Variants in SORCS3 observed in about 807,000 individuals in gnomAD.
SORCS3 encodes the protein VPS10 domain-containing receptor SorCS3.
SORCS3 carries 57 observed loss-of-function variants against 146.3 expected under a neutral mutation model. That is an observed-to-expected ratio of 0.39 (90% confidence interval 0.31 to 0.49). SORCS3 has a LOEUF of 0.49. Among genes scored for constraint, SORCS3 ranks in the 20% least tolerant of loss-of-function variants. The pLI, the probability that SORCS3 is intolerant of heterozygous loss-of-function variation, is 0.92. For missense variants in SORCS3, 1,341 were observed against 1,575.5 expected (o/e 0.85, Z 2.52); for synonymous variants, 653 against 618.5 (o/e 1.06, Z -0.83).
rs147787797 is a variant in SORCS3, at chr10:104,756,621, G to A, written c.628-86171G>A. 6.8e-3 allele frequency among the ~76,000 whole-genome samples: 1,041 copies of A among 152,284 alleles called. 14 individuals carry two copies. Among genetic ancestry groups the A allele is most frequent in the African/African-American group, 0.023 (976 of 41,554 alleles). ...TGGGGTTTGAATGGGAGTGGAGAAA[G>A]CATCCCAAGAGTGGAGAAAGCCACA... On this transcript the variant is annotated intron_variant, in intron 1 of 26. Transcript: ENST00000369701.
chr10:104,909,198 C>T (rs998474463), intron 2 of SORCS3, among the ~76,000 whole-genome samples: 7 of 152,044 alleles, frequency 4.6e-5, no homozygotes, highest in South Asian at 2.1e-4. Context: ...GTAGTTGTGG[C>T]GGAGGTCCAC....
intron 14 of SORCS3, among the ~76,000 whole-genome samples, chr10:105,184,691 A>T (rs551420776): frequency 1.3e-5 from 2 of 152,356 alleles, no homozygotes; most frequent in East Asian, 3.9e-4. Context: ...CACATATTTA[A>T]TGTATACATT....
At chr10:104,774,898 G>A (rs2017291546) in intron 1 of SORCS3, among the ~76,000 whole-genome samples, 1 of 152,182 alleles carries the variant, frequency 6.6e-6, no homozygotes, top group African/African-American at 2.4e-5. Flanking sequence ...TCACCAACGA[G>A]CTGAGACATT....
intron 2 of SORCS3, among the ~76,000 whole-genome samples, chr10:104,860,426 G>A (rs2018387242): frequency 7.6e-6 from 1 of 132,426 alleles, no homozygotes; most frequent in African/African-American, 2.8e-5. Flanking sequence ...TTGTGAGGTG[G>A]GGGGAGGGGG....
intron 5 of SORCS3, among the ~76,000 whole-genome samples, chr10:105,053,434 G>A (rs2055426113): frequency 6.6e-6 from 1 of 151,588 alleles, no homozygotes; most frequent in Non-Finnish European, 1.5e-5. Flanking sequence ...ACACACACTA[G>A]CCATTTTTTT....
intron 3 of SORCS3, among the ~76,000 whole-genome samples, chr10:104,959,210 A>G (rs1019547829): frequency 6.6e-6 from 1 of 151,918 alleles, no homozygotes; most frequent in African/African-American, 2.4e-5. Context: ...CAGGAAATTA[A>G]TAGAGGGGAT....
intron 5 of SORCS3, among the ~76,000 whole-genome samples, chr10:105,061,700 G>A (rs2055488754): frequency 2.0e-5 from 3 of 150,866 alleles, no homozygotes; most frequent in Admixed American, 2.0e-4. Context: ...GAGCTCTCAG[G>A]AACACCACCA....
intron 1 of SORCS3, among the ~76,000 whole-genome samples, chr10:104,740,702 A>AT (rs544863904): frequency 2.1e-3 from 326 of 152,122 alleles, no homozygotes; most frequent in Non-Finnish European, 4.0e-3. Flanking sequence ...AAAGACACTT[A>AT]TTTTTTTGTT....
At chr10:104,875,929 G>A (rs1393460499) in intron 2 of SORCS3, among the ~76,000 whole-genome samples, 1 of 152,126 alleles carries the variant, frequency 6.6e-6, no homozygotes, top group East Asian at 1.9e-4. Flanking sequence ...ATGGCAAAAG[G>A]AAAATGGCTG....
chr10:104,748,872 C>A (rs1304550046), intron 1 of SORCS3, among the ~76,000 whole-genome samples: 1 of 152,078 alleles, frequency 6.6e-6, no homozygotes, highest in African/African-American at 2.4e-5. Flanking sequence ...AAAAAGAATT[C>A]TTTAGATTCT....
At chr10:104,962,967 A>G (rs992881278) in intron 3 of SORCS3, among the ~76,000 whole-genome samples, 65 of 152,194 alleles carry the variant, frequency 4.3e-4, no homozygotes, top group African/African-American at 1.4e-3. Context: ...TGCACTGTTT[A>G]AATATATGGT....
chr10:105,022,762 C>T (rs2055205577), intron 4 of SORCS3, among the ~76,000 whole-genome samples: 1 of 151,978 alleles, frequency 6.6e-6, no homozygotes, highest in African/African-American at 2.4e-5. Flanking sequence ...GAAGTATACC[C>T]AGTAAGCCCA....
chr10:104,895,778 C>G (rs934764905), intron 2 of SORCS3, among the ~76,000 whole-genome samples: 1 of 152,206 alleles, frequency 6.6e-6, no homozygotes, highest in African/African-American at 2.4e-5. Flanking sequence ...TTTGGATGCT[C>G]TCCCTGCCTG....
chr10:104,793,848 G>A (rs1308300184), intron 1 of SORCS3, among the ~76,000 whole-genome samples: 1 of 152,164 alleles, frequency 6.6e-6, no homozygotes, highest in African/African-American at 2.4e-5. Flanking sequence ...CATCTGGATG[G>A]CAGGTGGAAA....
At chr10:104,914,598 C>T (rs941216239) in intron 2 of SORCS3, among the ~76,000 whole-genome samples, 3 of 152,136 alleles carry the variant, frequency 2.0e-5, no homozygotes, top group Non-Finnish European at 2.9e-5. Context: ...TGTGCCACTA[C>T]ACTCCATCCA....
At chr10:104,643,104 A>T (rs2015446964) in intron 1 of SORCS3, among the ~76,000 whole-genome samples, 1 of 152,200 alleles carries the variant, frequency 6.6e-6, no homozygotes. Flanking sequence ...CTCTGGCTCC[A>T]TGGTTCAGAT....
At chr10:105,018,418 G>A (rs764898501) in intron 4 of SORCS3, among the ~76,000 whole-genome samples, 2 of 152,128 alleles carry the variant, frequency 1.3e-5, no homozygotes, top group African/African-American at 4.8e-5. Flanking sequence ...TGCTAATCCA[G>A]ATCTCAAGGT....
At chr10:105,137,206 T>A (rs964731574) in intron 7 of SORCS3, among the ~76,000 whole-genome samples, 1 of 152,172 alleles carries the variant, frequency 6.6e-6, no homozygotes, top group African/African-American at 2.4e-5. Flanking sequence ...CATTCAGGAA[T>A]GGGACTTGCC....
At chr10:104,913,586 G>A (rs1589547159) in intron 2 of SORCS3, among the ~76,000 whole-genome samples, 1 of 152,172 alleles carries the variant, frequency 6.6e-6, no homozygotes, top group African/African-American at 2.4e-5. Context: ...AACGTGCTGA[G>A]TGTGCATAAT....
Sources: gnomAD v4.1 joint callset for allele counts (sites outside exome capture counted in the v4.1 genomes callset) on GRCh38, gnomAD v4.1.1 for gene constraint, MANE v1.5 for transcripts, NCBI Gene and HGNC (gene_info 2026-07-23, HGNC 2026-07-21) for gene names.